SIGLEC11: variants seen among roughly 807,000 people sequenced by gnomAD.
SIGLEC11 encodes sialic acid binding Ig like lectin 11, also known as sialic acid-binding Ig-like lectin 11.
Under a neutral mutation model 61.2 loss-of-function variants are expected in SIGLEC11, and 47 were observed. That is an observed-to-expected ratio of 0.77 (90% CI 0.61 to 0.98). The LOEUF (loss-of-function observed/expected upper bound fraction) is 0.98, where lower values mean the gene tolerates loss of function less well. SIGLEC11 is among the 50% of genes least tolerant of loss of function. The probability of loss-of-function intolerance (pLI) is 0.00; values close to 1 mark genes in which losing one functional copy is unlikely to be tolerated. For missense variants in SIGLEC11, 610 were observed against 870.3 expected (o/e 0.70, Z 3.76); for synonymous variants, 278 against 373.1 (o/e 0.75, Z 2.94).
intron 8 of SIGLEC11, among the ~76,000 whole-genome samples, chr19:49,956,757 T>G (rs1040380524): frequency 1.3e-5 from 2 of 152,202 alleles, no homozygotes; most frequent in African/African-American, 2.4e-5. Flanking sequence ...ATCATAAGGT[T>G]GCAGGCAGTA....
intron 8 of SIGLEC11, among the ~76,000 whole-genome samples, chr19:49,953,887 G>T (rs2076176946): frequency 6.6e-6 from 1 of 152,174 alleles, no homozygotes; most frequent in Non-Finnish European, 1.5e-5. Context: ...GAAAGGTTTT[G>T]CAGGGGATTA....
At position 49,960,651 on chromosome 19, in the gene SIGLEC11, C is replaced by G; in HGVS notation, c.361G>C (p.Ala121Pro). 1.2e-6 allele frequency: 2 copies of G among 1,606,530 alleles called. No homozygotes were observed. Among genetic ancestry groups the G allele is most frequent in the Non-Finnish European group, 1.7e-6 (2 of 1,179,362 alleles). ...TACCATGCCTCATCCTCCCTCTGCG[C>G]GTCTCTGATCACCAAGGAGCAGCTC... ...KGSCSLVIRD[A>P]QREDEAWYFF... is the part of the protein sequence containing the mutation. Residue 121 changes from alanine to proline, a missense_variant, in exon 2 of 11, where the codon GCG becomes CCG. This residue lies in a region of SIGLEC11 where 99 missense variants were observed against 131.6 expected (regional missense o/e 0.75). Coordinates refer to ENST00000447370, the MANE Select transcript of SIGLEC11 (RefSeq NM_052884.3).
At position 49,955,604 on chromosome 19, in the gene SIGLEC11, A is replaced by G. The variant is rs1310171928; in HGVS notation, c.1651+2679T>C. Among the ~76,000 whole-genome samples, 1 of 152,218 alleles carries G rather than the reference A, an allele frequency of 6.6e-6. No individual in the cohort carries two copies. Among genetic ancestry groups the G allele is most frequent in the Non-Finnish European group, 1.5e-5 (1 of 68,042 alleles). On this transcript the variant is annotated intron_variant, in intron 8 of 10. Coordinates refer to ENST00000447370, the MANE Select transcript of SIGLEC11 (RefSeq NM_052884.3). This position sits in a 1 kb window ranked among gnomAD's most constrained non-coding sequence, Gnocchi z 4.5. ...AAGGAAGCAGAACATAGGCTTAAAA[A>G]AAAAGGCCAATCTGTTGGCAGCAGC...
At chr19:49,952,069 G>A in intron 9 of SIGLEC11, 97 bp from the exon 10 acceptor site, 1 of 1,275,860 alleles carries the variant, frequency 7.8e-7, no homozygotes, top group South Asian at 1.5e-5. Flanking sequence ...AGGCTGCAGA[G>A]CCCAGTGGGG....
Position 49,958,801 on chromosome 19 carries a change from C to G in SIGLEC11, c.1205G>C (p.Ser402Thr). The change falls in exon 7 of 11, where the codon AGC becomes ACC. Residue 402 changes from serine (S) to threonine (T), a missense_variant. Around this residue, in one of 6 missense-constraint regions of SIGLEC11, gnomAD observed 432 missense variants for 441.5 expected, o/e 0.98. Coordinates refer to ENST00000447370, the MANE Select transcript of SIGLEC11 (RefSeq NM_052884.3). ...VTHSSPPARL[S>T]WTRWGQTVGP... ...CACGGTCTGTCCCCACCGGGTCCAG[C>G]TCAGCCTGGCTGGGGGGCTGCTGTG... The G allele has an allele frequency of 6.2e-7, 1 of 1,613,342 alleles. No homozygotes were observed. The highest frequency in any genetic ancestry group is 8.5e-7 in the Non-Finnish European group (1 of 1,179,630).
chr19:49,960,560 T>C lies in SIGLEC11; in HGVS notation c.452A>G (p.Lys151Arg). ...HSFLSNAFFL[K>R]VTALTKKPDV... ...CCCACCCCATTCCATACCTGTTACT[T>C]TTAGAAAGAACGCATTGCTCAGGAA... The change falls in exon 2 of 11, where the codon AAA becomes AGA. Residue 151 changes from lysine to arginine, a missense_variant. Physicochemically the swap from Lys to Arg is conservative, Grantham distance 26. Around this residue, in one of 6 missense-constraint regions of SIGLEC11, gnomAD observed 99 missense variants for 131.6 expected, o/e 0.75. Transcript: ENST00000447370. The C allele has an allele frequency of 6.3e-7, 1 of 1,598,114 alleles. No individual in the cohort carries two copies.
rs2076188712 is a variant in SIGLEC11 at position 49,955,347 on chromosome 19, T to C, written c.1651+2936A>G. Among the ~76,000 whole-genome samples the C allele has an allele frequency of 6.6e-6, 1 of 151,188 alleles. No individual in the cohort carries two copies. Among genetic ancestry groups the C allele is most frequent in the South Asian group, 2.1e-4 (1 of 4,796 alleles). ...AAAAAAAAAAGAAAGGCATAATTCT[T>C]ACAACTTGCGGCAGGCATCTACCAA... On this transcript the variant is annotated intron_variant, in intron 8 of 10. Coordinates refer to ENST00000447370, the MANE Select transcript of SIGLEC11 (RefSeq NM_052884.3). The surrounding 1 kb of genome is among the most constrained non-coding windows in gnomAD (Gnocchi z 4.5).
chr19:49,952,363 C>T lies in SIGLEC11; in HGVS notation c.1683G>A (p.Leu561=). Residue 561 remains leucine, a synonymous_variant, in exon 9 of 11, where the codon CTG becomes CTA. Transcript: ENST00000447370. ...GKLEHGGGLG[L]GAALGAGVAA... ...CGACGCCAGCTCCCAGGGCAGCCCCCAGGCCAAGTCCTCCCCCATGCTCCA... is the reference window on the plus strand; with the variant it reads ...CGACGCCAGCTCCCAGGGCAGCCCCTAGGCCAAGTCCTCCCCCATGCTCCA... 6.2e-7 allele frequency: 1 copy of T among 1,608,940 alleles called. No homozygotes were observed.
chr19:49,951,954 C>T lies in SIGLEC11; in HGVS notation c.1767G>A (p.Lys589=), dbSNP rs772002078. 3 of 1,611,016 alleles carry T rather than the reference C, an allele frequency of 1.9e-6. No individual in the cohort carries two copies. In the South Asian group the frequency reaches 3.3e-5, roughly 18 times the overall value. ...LVVFRVKICR[K]EARKRAAAEQ... ...CAGCTGCTGCCCTCTTGCGAGCTTC[C>T]TTCCTGCAGATCTTCACCCTGAGGG... The change falls in exon 10 of 11, where the codon AAG becomes AAA. Residue 589 remains lysine, a synonymous_variant. Transcript: ENST00000447370. The surrounding 1 kb of genome is among the most constrained non-coding windows in gnomAD (Gnocchi z 4.6).
chr19:49,953,657 G>GTGATCTGC (rs201982926), intron 8 of SIGLEC11, among the ~76,000 whole-genome samples: 3,622 of 152,192 alleles, frequency 0.024, 134 homozygotes, highest in African/African-American at 0.083. Context: ...AAGACTAGTG[G>GTGATCTGC]TGATCTGCGT....
At chr19:49,950,361 G>C (rs2076151528) in intron 10 of SIGLEC11, 125 bp from the exon 11 acceptor site, 1 of 1,042,674 alleles carries the variant, frequency 9.6e-7, no homozygotes, top group Non-Finnish European at 1.3e-6. Flanking sequence ...ACAAAGGTCA[G>C]CTGGGCCCTC....
At position 49,951,888 on chromosome 19, in the gene SIGLEC11, C is replaced by T. The variant is rs1188753831; in HGVS notation, c.1830+3G>A. 6.3e-7 allele frequency: 1 copy of T among 1,594,048 alleles called. No individual in the cohort carries two copies. The highest frequency in any genetic ancestry group is 1.3e-5 in the African/African-American group (1 of 74,342). On this transcript the variant is annotated splice_donor_region_variant and intron_variant, in intron 10 of 10. Transcript: ENST00000447370. The surrounding 1 kb of genome is among the most constrained non-coding windows in gnomAD (Gnocchi z 4.6). ...CCCCAGCAGACAGAGGCTGGGCTCTCACCTGGGAGATGGGTCCCAGGGTGG... is the reference window on the plus strand; with the variant it reads ...CCCCAGCAGACAGAGGCTGGGCTCTTACCTGGGAGATGGGTCCCAGGGTGG...
chr19:49,954,008 A>G (rs2076177957), intron 8 of SIGLEC11, among the ~76,000 whole-genome samples: 1 of 152,196 alleles, frequency 6.6e-6, no homozygotes, highest in South Asian at 2.1e-4. Context: ...ACAATTGGGC[A>G]TGTATTAAAG....
chr19:49,958,024 C>T (rs983948187), intron 8 of SIGLEC11, among the ~76,000 whole-genome samples: 6 of 152,090 alleles, frequency 3.9e-5, no homozygotes, highest in African/African-American at 1.4e-4. Flanking sequence ...AAAACCCCTT[C>T]TTTGTCTTTA....
Position 49,949,747 on chromosome 19 carries a change from T to G in SIGLEC11, c.*223A>C. 2 of 357,880 alleles carry G rather than the reference T, an allele frequency of 5.6e-6. No homozygotes were observed. Among genetic ancestry groups the G allele is most frequent in the East Asian group, 4.2e-5 (1 of 23,712 alleles). The allele number at this position is 357,880 out of a possible 1,614,324, so 22.2% of individuals were successfully genotyped here. A position where few individuals can be genotyped will look rare whatever the true frequency, so the allele number is the denominator to read the frequency against. On this transcript the variant is annotated 3_prime_UTR_variant, in exon 11 of 11. Transcript: ENST00000447370. ...GTCCCAGCTACTTGGGAGGCTGAAA[T>G]GGGAGGCTCACTTCAACCTGGCAGG...
intron 8 of SIGLEC11, among the ~76,000 whole-genome samples, chr19:49,956,212 A>C (rs1488774027): frequency 6.6e-6 from 1 of 152,176 alleles, no homozygotes; most frequent in Non-Finnish European, 1.5e-5. Context: ...GCTCTTAAAA[A>C]CTTCTATTAT....
At chr19:49,958,183 C>G in intron 8 of SIGLEC11, 100 bp downstream of exon 8, 3 of 1,540,824 alleles carry the variant, frequency 1.9e-6, no homozygotes, top group Non-Finnish European at 1.8e-6. Context: ...CCCATCCCTT[C>G]CCACCACGCC....
rs1483441998 is a variant in SIGLEC11, at chr19:49,958,723, A to C, written c.1283T>G (p.Met428Arg). 1 of 1,613,612 alleles carries C rather than the reference A, an allele frequency of 6.2e-7. No homozygotes were observed. Among genetic ancestry groups the C allele is most frequent in the South Asian group, 1.1e-5 (1 of 91,020 alleles). The change falls in exon 7 of 11, where the codon ATG (methionine) becomes AGG (arginine). Residue 428 changes from methionine (M) to arginine (R), a missense_variant. Met to Arg is a moderately conservative substitution (Grantham distance 91). This residue lies in a region of SIGLEC11 where 432 missense variants were observed against 441.5 expected (regional missense o/e 0.98). Transcript: ENST00000447370. Reference protein sequence around the residue: ...PGVLELPPIQMEHEGEFTCHA... With the variant: ...PGVLELPPIQREHEGEFTCHA... The stretch of plus-strand genomic sequence containing the variant: ...GCAGGTGAACTCTCCTTCGTGCTCC[A>C]TTTGAATGGGTGGCAGCTCCAGGAC...
chr19:49,960,406 G>C lies in SIGLEC11; in HGVS notation c.476C>G (p.Pro159Arg), dbSNP rs570973322. ...CAGGGTCTCGGGGATGTAGACATCA[G>C]GCTTCTTAGTCAGGGCTGGGACAGA... ...FLKVTALTKK[P>R]DVYIPETLEP... The change falls in exon 3 of 11, where the codon CCT becomes CGT. Residue 159 changes from proline (P) to arginine (R), a missense_variant. Physicochemically the swap from Pro to Arg is moderately radical, Grantham distance 103. This residue lies in a region of SIGLEC11 where 99 missense variants were observed against 131.6 expected (regional missense o/e 0.75). Coordinates refer to ENST00000447370, the MANE Select transcript of SIGLEC11 (RefSeq NM_052884.3). 9 of 1,594,646 alleles carry C rather than the reference G, an allele frequency of 5.6e-6. No homozygotes were observed. The Admixed American group carries it at 1.5e-4, about 27-fold the overall frequency.
Sources: allele counts gnomAD v4.1 joint callset (sites outside exome capture counted in the v4.1 genomes callset), GRCh38; gene constraint gnomAD v4.1.1; regional missense constraint gnomAD v4.1.1; non-coding constraint Gnocchi (gnomAD v3.1); transcripts MANE v1.5; gene names NCBI Gene and HGNC (gene_info 2026-07-23, HGNC 2026-07-21).